The following CERS6 variants were observed in gnomAD, a reference collection of about 807,000 sequenced individuals.
The protein encoded by CERS6 is ceramide synthase 6.
In CERS6, 26 loss-of-function variants were observed where a neutral mutation model predicts 56.8. That is an observed-to-expected ratio of 0.46 (90% CI 0.34 to 0.63). The LOEUF is 0.63. Among genes scored for constraint, CERS6 ranks in the 30% least tolerant of loss-of-function variants. The pLI is 0.01. For missense variants in CERS6, 415 were observed against 467.5 expected (o/e 0.89, Z 1.04); for synonymous variants, 164 against 173.3 (o/e 0.95, Z 0.42).
intron 1 of CERS6, among the ~76,000 whole-genome samples, chr2:168,458,054 T>A (rs913150809): frequency 6.6e-6 from 1 of 152,128 alleles, no homozygotes; most frequent in Non-Finnish European, 1.5e-5. Flanking sequence ...TGGGTGTGTT[T>A]GCAGGTGTAG....
At chr2:168,715,653 G>T (rs1350516907) in intron 7 of CERS6, among the ~76,000 whole-genome samples, 1 of 152,002 alleles carries the variant, frequency 6.6e-6, no homozygotes, top group African/African-American at 2.4e-5. Context: ...GGAAATATTG[G>T]TTACATATGA....
At chr2:168,760,818 C>G (rs576077555) in intron 8 of CERS6, among the ~76,000 whole-genome samples, 1 of 151,876 alleles carries the variant, frequency 6.6e-6, no homozygotes, top group African/African-American at 2.4e-5. Context: ...TGCAGTGGCG[C>G]GATCTCGGCT....
At chr2:168,572,609 G>A (rs1424034911) in intron 3 of CERS6, among the ~76,000 whole-genome samples, 3 of 152,002 alleles carry the variant, frequency 2.0e-5, no homozygotes, top group African/African-American at 4.8e-5. Context: ...TGGAAAGGGG[G>A]CAGTTTGGTC....
chr2:168,664,678 G>A (rs1165120676), intron 4 of CERS6, among the ~76,000 whole-genome samples: 1 of 152,174 alleles, frequency 6.6e-6, no homozygotes, highest in Non-Finnish European at 1.5e-5. Flanking sequence ...CATGGTGCTG[G>A]TGGGAGTGTA....
At chr2:168,541,018 C>T (rs1047872414) in intron 1 of CERS6, among the ~76,000 whole-genome samples, 2 of 152,186 alleles carry the variant, frequency 1.3e-5, no homozygotes, top group African/African-American at 4.8e-5. Context: ...GCATCTGTAT[C>T]TGGTGAGGGC....
chr2:168,743,170 A>G (rs1007640341), intron 8 of CERS6, among the ~76,000 whole-genome samples: 13 of 149,256 alleles, frequency 8.7e-5, no homozygotes, highest in East Asian at 3.9e-4. Context: ...ATATGTATGT[A>G]TGTGTGTGTG....
chr2:168,700,922 C>G (rs1274997802), intron 6 of CERS6, among the ~76,000 whole-genome samples: 1 of 152,188 alleles, frequency 6.6e-6, no homozygotes, highest in East Asian at 1.9e-4. Context: ...TCAGGCACAC[C>G]AGGATTGTGC....
At chr2:168,604,770 T>G (rs1306686264) in intron 3 of CERS6, among the ~76,000 whole-genome samples, 2 of 152,088 alleles carry the variant, frequency 1.3e-5, no homozygotes, top group Non-Finnish European at 2.9e-5. Flanking sequence ...TGATAGTAAG[T>G]TTTTTGAGGT....
At position 168,632,829 on chromosome 2, in the gene CERS6, G is replaced by C. The variant is rs369006096; in HGVS notation, c.465+1787G>C. On this transcript the variant is annotated intron_variant, in intron 4 of 9. Transcript: ENST00000305747. ...TTGGAATTCGTGCCTGGTTCTGTTG[G>C]TGAGGGGCTTTGTTGGTGAGAAAGG... Among the ~76,000 whole-genome samples, 3 of 152,254 alleles carry C rather than the reference G, an allele frequency of 2.0e-5. No homozygotes were observed. In the South Asian group the frequency reaches 6.2e-4, roughly 32 times the overall value.
At chr2:168,518,531 C>G (rs1466181838) in intron 1 of CERS6, among the ~76,000 whole-genome samples, 1 of 152,136 alleles carries the variant, frequency 6.6e-6, no homozygotes, top group Non-Finnish European at 1.5e-5. Flanking sequence ...TCTCTTCCTG[C>G]CTCCTGCCTC....
chr2:168,725,139 G>A (rs936355268), intron 8 of CERS6, among the ~76,000 whole-genome samples: 1 of 152,236 alleles, frequency 6.6e-6, no homozygotes, highest in African/African-American at 2.4e-5. Flanking sequence ...CCGCTGGCCC[G>A]GGTGCTAAGC....
chr2:168,538,541 G>T lies in CERS6; in HGVS notation c.171-9055G>T, dbSNP rs182954410. On this transcript the variant is annotated intron_variant, in intron 1 of 9. Coordinates refer to ENST00000305747, the MANE Select transcript of CERS6 (RefSeq NM_203463.3). ...CCTGGCCAATCTGTTTTAAATGACA[G>T]CCCTACCTAGGTAGCCCTGTCCTTC... Among the ~76,000 whole-genome samples the T allele has an allele frequency of 3.6e-3, 548 of 152,246 alleles. 3 individuals are homozygous for T. Among genetic ancestry groups the T allele is most frequent in the Non-Finnish European group, 5.8e-3 (396 of 68,028 alleles).
intron 6 of CERS6, among the ~76,000 whole-genome samples, chr2:168,707,674 A>G (rs193199690): frequency 4.6e-5 from 7 of 152,300 alleles, no homozygotes; most frequent in Admixed American, 1.3e-4. Context: ...ACATTATGTG[A>G]ACTCTTCACA....
At chr2:168,643,089 A>G (rs952772466) in intron 4 of CERS6, among the ~76,000 whole-genome samples, 1 of 152,226 alleles carries the variant, frequency 6.6e-6, no homozygotes, top group African/African-American at 2.4e-5. Flanking sequence ...ACGTGTGTGT[A>G]TGTGCATGCA....
At chr2:168,634,549 A>T (rs1454142627) in intron 4 of CERS6, among the ~76,000 whole-genome samples, 1 of 152,036 alleles carries the variant, frequency 6.6e-6, no homozygotes, top group Non-Finnish European at 1.5e-5. Flanking sequence ...AGTAGCTGGG[A>T]TTATATGCCT....
chr2:168,664,953 T>A (rs1454688070), intron 4 of CERS6, among the ~76,000 whole-genome samples: 4 of 152,200 alleles, frequency 2.6e-5, no homozygotes, highest in African/African-American at 9.6e-5. Context: ...AGGTCCCTGA[T>A]GACATCATGG....
intron 1 of CERS6, among the ~76,000 whole-genome samples, chr2:168,480,242 A>G (rs539667874): frequency 6.6e-6 from 1 of 152,358 alleles, no homozygotes; most frequent in South Asian, 2.1e-4. Context: ...GTAAAAGTAT[A>G]GGGAGTCTTC....
chr2:168,514,472 T>A (rs1186047291), intron 1 of CERS6, among the ~76,000 whole-genome samples: 1 of 152,238 alleles, frequency 6.6e-6, no homozygotes, highest in Non-Finnish European at 1.5e-5. Context: ...CTGTCAGTCC[T>A]GGGGGACCCC....
At chr2:168,656,312 G>T (rs1221559913) in intron 4 of CERS6, among the ~76,000 whole-genome samples, 1 of 152,200 alleles carries the variant, frequency 6.6e-6, no homozygotes, top group African/African-American at 2.4e-5. Flanking sequence ...AAGTTTTGTA[G>T]CTTTTAACTG....
Sources: allele counts gnomAD v4.1 joint callset (sites outside exome capture counted in the v4.1 genomes callset), GRCh38; gene constraint gnomAD v4.1.1; transcripts MANE v1.5; gene names NCBI Gene and HGNC (gene_info 2026-07-23, HGNC 2026-07-21).